Variants in PLAAT4 observed in about 807,000 individuals in gnomAD.
PLAAT4 encodes the protein phospholipase A and acyltransferase 4, also known as HRAS-like suppressor 4.
In PLAAT4, 12 loss-of-function variants were observed where a neutral mutation model predicts 14.1. The observed-to-expected ratio is 0.85, with a 90% confidence interval of 0.54 to 1.37. PLAAT4 has a LOEUF of 1.37. Ranked by LOEUF, PLAAT4 falls within the 40% of genes most tolerant of loss-of-function variation. The probability of loss-of-function intolerance (pLI) is 0.00; values close to 1 mark genes in which losing one functional copy is unlikely to be tolerated. For synonymous variants in PLAAT4, 77 were observed against 79.8 expected (o/e 0.96, Z 0.19); for missense variants, 163 against 211.7 (o/e 0.77, Z 1.43).
chr11:63,536,840 G>A lies in PLAAT4; in HGVS notation c.-29G>A, dbSNP rs2134354296. ...CATAAAAGCTGATCCACAAACAAGAGGAGCACCAGACCTCCTCTTGGCTTC... is the reference window on the plus strand; with the variant it reads ...CATAAAAGCTGATCCACAAACAAGAAGAGCACCAGACCTCCTCTTGGCTTC... On this transcript the variant is annotated 5_prime_UTR_variant, in exon 1 of 4. Coordinates refer to ENST00000255688, the MANE Select transcript of PLAAT4 (RefSeq NM_004585.5). The A allele has an allele frequency of 2.5e-6, 4 of 1,608,540 alleles. No individual in the cohort carries two copies. The highest frequency in any genetic ancestry group is 1.1e-5 in the South Asian group (1 of 90,326).
At chr11:63,537,279 C>T (rs966286155) in intron 1 of PLAAT4, among the ~76,000 whole-genome samples, 5 of 152,170 alleles carry the variant, frequency 3.3e-5, no homozygotes, top group South Asian at 2.1e-4. Context: ...CGGCCCCAAA[C>T]GATGCTTTCT....
At chr11:63,543,015 A>C (rs2017333698) in intron 2 of PLAAT4, among the ~76,000 whole-genome samples, 1 of 152,188 alleles carries the variant, frequency 6.6e-6, no homozygotes, top group Non-Finnish European at 1.5e-5. Context: ...GAACTTCAAT[A>C]CTTTTCTTAA....
intron 1 of PLAAT4, among the ~76,000 whole-genome samples, chr11:63,538,735 A>ACCAGCTCGGCCTCCTT (rs1166317050): frequency 1.3e-5 from 2 of 152,132 alleles, no homozygotes; most frequent in African/African-American, 4.8e-5. Context: ...GCAGGGAAGA[A>ACCAGCTCGGCCTCCTT]CCAGCTCGGC....
In PLAAT4 at chr11:63,544,851, G is replaced by A; in HGVS notation, c.349G>A (p.Val117Ile). ...TGTGAGCAGGAACTGTGAGCACTTT[G>A]TCACCCAGCTGAGATATGGCAAGTC... The part of the protein sequence containing the change: ...SIVSRNCEHF[V>I]TQLRYGKSRC... The change falls in exon 3 of 4, where the codon GTC becomes ATC. Residue 117 changes from valine (V) to isoleucine (I), a missense_variant. Transcript: ENST00000255688. The A allele has an allele frequency of 6.2e-7, 1 of 1,614,210 alleles. No individual in the cohort carries two copies. The highest frequency in any genetic ancestry group is 2.2e-5 in the East Asian group (1 of 44,880).
chr11:63,545,912 G>A (rs2017361130), intron 3 of PLAAT4, among the ~76,000 whole-genome samples: 1 of 152,148 alleles, frequency 6.6e-6, no homozygotes, highest in Non-Finnish European at 1.5e-5. Flanking sequence ...GACAAGCCCA[G>A]ACAAGTCGAA....
At chr11:63,544,554 T>G in intron 2 of PLAAT4, 67 bp from the exon 3 acceptor site, 2 of 1,493,734 alleles carry the variant, frequency 1.3e-6, no homozygotes, top group South Asian at 1.2e-5. Flanking sequence ...AGTTCCTTAG[T>G]GGAGATTTCA....
rs559812409 is a variant in PLAAT4, at chr11:63,544,340, C to T, written c.119-281C>T. Among the ~76,000 whole-genome samples the T allele has an allele frequency of 4.6e-5, 7 of 152,116 alleles. No homozygotes were observed. The South Asian group carries it at 1.0e-3, about 23-fold the overall frequency. On this transcript the variant is annotated intron_variant, in intron 2 of 3. Transcript: ENST00000255688. Reference sequence around the variant, plus strand: ...AAGAGAGCAAAATCTATTAGCCCGGCGTGGTGGTGGGTGCCTGTAGTCCCA... The same window carrying T: ...AAGAGAGCAAAATCTATTAGCCCGGTGTGGTGGTGGGTGCCTGTAGTCCCA...
Position 63,539,590 on chromosome 11 carries a change from A to T in PLAAT4, c.84A>T (p.Ile28=). Residue 28 remains isoleucine (I), a synonymous_variant, in exon 2 of 4, where the codon ATA becomes ATT. Transcript: ENST00000255688. ...GCTATGAGCACTGGGCCCTGTATAT[A>T]GGAGATGGCTACGTGATCCATCTGG... ...RLGYEHWALY[I]GDGYVIHLAP... is the part of the protein sequence containing the mutation. The T allele has an allele frequency of 6.2e-7, 1 of 1,613,610 alleles. No individual in the cohort carries two copies. The highest frequency in any genetic ancestry group is 8.5e-7 in the Non-Finnish European group (1 of 1,179,524).
At position 63,546,359 on chromosome 11, in the gene PLAAT4, G is replaced by A. The variant is rs962534553; in HGVS notation, c.*103G>A. ...CTGACCCTCGTGCCCTGTCTCAGGCGTTCTCTAGATCCTTTCCTCTGTTTC... is the reference window on the plus strand; with the variant it reads ...CTGACCCTCGTGCCCTGTCTCAGGCATTCTCTAGATCCTTTCCTCTGTTTC... On this transcript the variant is annotated 3_prime_UTR_variant, in exon 4 of 4. Transcript: ENST00000255688. The A allele has an allele frequency of 1.4e-5, 14 of 976,002 alleles. No homozygotes were observed. The highest frequency in any genetic ancestry group is 4.9e-5 in the African/African-American group (3 of 61,670). 60.5% of individuals were successfully genotyped at this position (976,002 alleles called of 1,614,324 possible).
intron 1 of PLAAT4, 101 bp from the exon 2 acceptor site, chr11:63,539,415 C>T: frequency 1.1e-6 from 1 of 935,408 alleles, no homozygotes; most frequent in Non-Finnish European, 1.7e-6. Context: ...AGCTGATGAA[C>T]ATCAGCAAGG....
intron 2 of PLAAT4, among the ~76,000 whole-genome samples, chr11:63,541,772 A>G (rs1480596277): frequency 6.6e-6 from 1 of 152,192 alleles, no homozygotes; most frequent in African/African-American, 2.4e-5. Context: ...CTTTCCATGT[A>G]TAAGTTTTAC....
At position 63,546,310 on chromosome 11, in the gene PLAAT4, A is replaced by G. The variant is rs2017366623; in HGVS notation, c.*54A>G. On this transcript the variant is annotated 3_prime_UTR_variant, in exon 4 of 4. Transcript: ENST00000255688. ...AGCTGTGGGGGTCCCAGTGGAGATG[A>G]GCCTCCCCCATGCCTCCAGCAGCCT... The G allele has an allele frequency of 9.9e-6, 15 of 1,522,682 alleles. No homozygotes were observed. Among genetic ancestry groups the G allele is most frequent in the Non-Finnish European group, 1.1e-5 (12 of 1,097,258 alleles). The allele number at this position is 1,522,682 out of a possible 1,614,324, so 94.3% of individuals were successfully genotyped here.
In PLAAT4 at chr11:63,537,217, A is replaced by G. The variant is rs749954884; in HGVS notation, c.9+340A>G. ...GGGGGACTCTGGGTTGTGGGAAGCA[A>G]GCAAATCCCAACATCGTCTGCTTCT... On this transcript the variant is annotated intron_variant, in intron 1 of 3. Transcript: ENST00000255688. Among the ~76,000 whole-genome samples the G allele has an allele frequency of 1.4e-3, 208 of 152,184 alleles. 4 individuals are homozygous for G. The Middle Eastern group carries it at 0.044, about 32-fold the overall frequency.
chr11:63,545,250 A>T, intron 3 of PLAAT4: 1 of 517,410 alleles, frequency 1.9e-6, no homozygotes, highest in Non-Finnish European at 3.5e-6. Context: ...GTACTCAGGC[A>T]AGGGACGCTC....
intron 2 of PLAAT4, 73 bp from the exon 3 acceptor site, chr11:63,544,548 C>A: frequency 6.7e-7 from 1 of 1,483,736 alleles, no homozygotes; most frequent in Non-Finnish European, 9.2e-7. Context: ...ACCAGTAGTT[C>A]CTTAGTGGAG....
rs373452753 is a variant in PLAAT4, at chr11:63,539,537, G to A, written c.31G>A (p.Gly11Arg). 1.9e-5 allele frequency: 31 copies of A among 1,613,934 alleles called. No individual in the cohort carries two copies. Among genetic ancestry groups the A allele is most frequent in the African/African-American group, 1.6e-4 (12 of 74,922 alleles). MASPHQEPKP[G>R]DLIEIFRLGY... ...GCAGCCACACCAAGAGCCCAAACCT[G>A]GAGACCTGATTGAGATTTTCCGCCT... The change falls in exon 2 of 4, where the codon GGA becomes AGA. Residue 11 changes from glycine (G) to arginine (R), a missense_variant. By Grantham distance (125) the Gly-to-Arg change is moderately radical. Coordinates refer to ENST00000255688, the MANE Select transcript of PLAAT4 (RefSeq NM_004585.5).
At chr11:63,546,123 C>T in intron 3 of PLAAT4, 26 bp from the exon 4 acceptor site, 2 of 1,599,414 alleles carry the variant, frequency 1.3e-6, no homozygotes, top group African/African-American at 1.3e-5. Flanking sequence ...GCCGTGAACG[C>T]TCAACAAAAG....
At chr11:63,536,925 G>T in intron 1 of PLAAT4, 48 bp downstream of exon 1, 1 of 1,597,494 alleles carries the variant, frequency 6.3e-7, no homozygotes, top group East Asian at 2.3e-5. Context: ...CAGTTGGGCA[G>T]CTCCCCCTAG....
In PLAAT4 at chr11:63,544,664, G is replaced by A. The variant is rs367717733; in HGVS notation, c.162G>A (p.Leu54=). The A allele has an allele frequency of 3.7e-6, 6 of 1,614,034 alleles. No individual in the cohort carries two copies. The African/African-American group carries it at 6.7e-5, about 18-fold the overall frequency. The part of the protein sequence containing the change: ...GAGSSSVFSV[L]SNSAEVKRER... ...GCTCCTCCAGTGTCTTCTCAGTCCT[G>A]AGCAACAGTGCAGAGGTGAAACGGG... is the stretch of plus-strand genomic sequence containing the variant. Residue 54 remains leucine, a synonymous_variant, in exon 3 of 4, where the codon CTG becomes CTA. Coordinates refer to ENST00000255688, the MANE Select transcript of PLAAT4 (RefSeq NM_004585.5).
Sources: gnomAD v4.1 joint callset for allele counts (sites outside exome capture counted in the v4.1 genomes callset) on GRCh38, gnomAD v4.1.1 for gene constraint, MANE v1.5 for transcripts, NCBI Gene and HGNC (gene_info 2026-07-23, HGNC 2026-07-21) for gene names.